The following KCNH6 variants were observed in gnomAD, a reference collection of about 807,000 sequenced individuals.
The protein encoded by KCNH6 is potassium voltage-gated channel subfamily H member 6, also known as voltage-gated inwardly rectifying potassium channel KCNH6.
KCNH6 carries 81 observed loss-of-function variants against 83.4 expected under a neutral mutation model. The ratio of observed to expected loss-of-function variants is 0.97; its 90% CI spans 0.81 to 1.17. The LOEUF (loss-of-function observed/expected upper bound fraction) is 1.17, where lower values mean the gene tolerates loss of function less well. KCNH6 is among the 50% of genes most tolerant of loss of function. The pLI, the probability that KCNH6 is intolerant of heterozygous loss-of-function variation, is 0.00. For missense variants in KCNH6, 1,203 were observed against 1,290.5 expected, an observed-to-expected ratio of 0.93 and a Z score of 1.04; for synonymous variants, 503 against 545.6, an observed-to-expected ratio of 0.92 and a Z score of 1.09.
intron 12 of KCNH6, 38 bp from the exon 13 acceptor site, chr17:63,545,571 C>T (rs1293371332): frequency 6.3e-7 from 1 of 1,586,022 alleles, no homozygotes; most frequent in South Asian, 1.1e-5. Flanking sequence ...AACCCGCAGC[C>T]TGGCCTGGGG....
At chr17:63,528,590 C>T (rs1220217148) in intron 2 of KCNH6, among the ~76,000 whole-genome samples, 2 of 152,200 alleles carry the variant, frequency 1.3e-5, no homozygotes, top group Admixed American at 6.5e-5. Flanking sequence ...GTCCCCCACA[C>T]GTGGGCTTCC....
intron 4 of KCNH6, among the ~76,000 whole-genome samples, chr17:63,530,941 G>A (rs766220521): frequency 1.3e-5 from 2 of 149,172 alleles, no homozygotes; most frequent in Non-Finnish European, 3.0e-5. Flanking sequence ...GAGCTGGTGT[G>A]GGGGGGGGTC....
chr17:63,538,711 A>T lies in KCNH6; in HGVS notation c.1954+49A>T, dbSNP rs1261668911. The T allele has an allele frequency of 6.6e-7, 1 of 1,514,356 alleles. No individual in the cohort carries two copies. Among genetic ancestry groups the T allele is most frequent in the Non-Finnish European group, 8.9e-7 (1 of 1,128,614 alleles). The allele number at this position is 1,514,356 out of a possible 1,614,324, so 93.8% of individuals were successfully genotyped here. Reference sequence around the variant, plus strand: ...GCCTGTGTTGGGGATTGGATGGAAGAGGGCGGGATTGGAGATGCCCTGCCC... The same window carrying T: ...GCCTGTGTTGGGGATTGGATGGAAGTGGGCGGGATTGGAGATGCCCTGCCC... On this transcript the variant is annotated intron_variant, in intron 8 of 12. Coordinates refer to ENST00000314672, the MANE Select transcript of KCNH6 (RefSeq NM_001278919.2). The surrounding 1 kb of genome is among the most constrained non-coding windows in gnomAD (Gnocchi z 4.0).
Position 63,538,635 on chromosome 17 carries a change from C to T in KCNH6, c.1927C>T (p.Arg643Cys), listed in dbSNP as rs775172398. The change falls in exon 8 of 13, where the codon CGC (arginine) becomes TGC (cysteine). Residue 643 changes from arginine to cysteine, a missense_variant. Transcript: ENST00000314672. The surrounding 1 kb of genome is among the most constrained non-coding windows in gnomAD (Gnocchi z 4.0). ...CTCCCGAGGCTCCATCGAGATCCTGCGCGACGACGTGGTCGTGGCCATCCT... is the reference window on the plus strand; with the variant it reads ...CTCCCGAGGCTCCATCGAGATCCTGTGCGACGACGTGGTCGTGGCCATCCT... ...FISRGSIEIL[R>C]DDVVVAILGK... is the part of the protein sequence containing the mutation. The T allele has an allele frequency of 1.4e-5, 22 of 1,599,778 alleles. No homozygotes were observed. Among genetic ancestry groups the T allele is most frequent in the East Asian group, 4.5e-5 (2 of 44,654 alleles).
In KCNH6 at chr17:63,534,165, T is replaced by A; in HGVS notation, c.955T>A (p.Phe319Ile). 6.9e-7 allele frequency: 1 copy of A among 1,457,318 alleles called. No individual in the cohort carries two copies. 90.3% of individuals were successfully genotyped at this position (1,457,318 alleles called of 1,614,324 possible). A position where few individuals can be genotyped will look rare whatever the true frequency, so the allele number is the denominator to read the frequency against. ...IMFVVDIVIN[F>I]RTTYVNTNDE... is the part of the protein sequence containing the mutation. Reference sequence around the variant, plus strand: ...GTTCGTCGTGGACATCGTCATCAACTTCCGCACCACCTATGTCAACACCAA... The same window carrying A: ...GTTCGTCGTGGACATCGTCATCAACATCCGCACCACCTATGTCAACACCAA... The change falls in exon 5 of 13, where the codon TTC (phenylalanine) becomes ATC (isoleucine). Residue 319 changes from phenylalanine to isoleucine, a missense_variant. Phe to Ile is a conservative substitution (Grantham distance 21). Coordinates refer to ENST00000314672, the MANE Select transcript of KCNH6 (RefSeq NM_001278919.2). The surrounding 1 kb of genome is among the most constrained non-coding windows in gnomAD (Gnocchi z 5.0).
In KCNH6 at chr17:63,544,344, G is replaced by A. The variant is rs201219951; in HGVS notation, c.2329G>A (p.Glu777Lys). Residue 777 changes from glutamate (E) to lysine (K), a missense_variant, in exon 11 of 13, where the codon GAA becomes AAA. Coordinates refer to ENST00000314672, the MANE Select transcript of KCNH6 (RefSeq NM_001278919.2). ...PPRHSPQSPQ[E>K]DPDCWPLKLG... ...AAGGCACAGCCCCCAAAGCCCTCAG[G>A]AAGACCCAGATTGCTGGCCTCTGAA... 1.9e-6 allele frequency: 3 copies of A among 1,612,118 alleles called. No homozygotes were observed. The highest frequency in any genetic ancestry group is 1.7e-5 in the Admixed American group (1 of 59,748).
chr17:63,543,043 C>T (rs986544437), intron 9 of KCNH6, among the ~76,000 whole-genome samples: 130 of 152,340 alleles, frequency 8.5e-4, no homozygotes, highest in African/African-American at 3.0e-3. Flanking sequence ...CAGCCAGGAC[C>T]GACCTGGGAA....
chr17:63,541,286 CT>C (rs58311051), intron 8 of KCNH6, among the ~76,000 whole-genome samples: 20,939 of 108,360 alleles, frequency 0.19, 1,023 homozygotes, highest in Middle Eastern at 0.3. Context: ...GTGCCTCTTG[CT>C]TTTTTTTTTT....
At position 63,544,328 on chromosome 17, in the gene KCNH6, C is replaced by A. The variant is rs1220645885; in HGVS notation, c.2313C>A (p.Ser771Arg). The change falls in exon 11 of 13, where the codon AGC (serine) becomes AGA (arginine). Residue 771 changes from serine to arginine, a missense_variant. Physicochemically the swap from Ser to Arg is moderately radical, Grantham distance 110 (BLOSUM62 -1). Transcript: ENST00000314672. Reference protein sequence around the residue: ...ELLQEMPPRHSPQSPQEDPDC... With the variant: ...ELLQEMPPRHRPQSPQEDPDC... Reference sequence around the variant, plus strand: ...TGCAGGAAATGCCCCCAAGGCACAGCCCCCAAAGCCCTCAGGAAGACCCAG... The same window carrying A: ...TGCAGGAAATGCCCCCAAGGCACAGACCCCAAAGCCCTCAGGAAGACCCAG... The A allele has an allele frequency of 1.9e-6, 3 of 1,612,212 alleles. No homozygotes were observed. The highest frequency in any genetic ancestry group is 2.5e-6 in the Non-Finnish European group (3 of 1,179,168).
chr17:63,543,450 C>T (rs1412994949), intron 9 of KCNH6, 126 bp from the exon 10 acceptor site: 19 of 679,646 alleles, frequency 2.8e-5, no homozygotes, highest in Middle Eastern at 2.5e-4. Context: ...GGCATCGCTG[C>T]TGTGCCCAGC....
rs1555678028 is a variant in KCNH6, at chr17:63,538,299, T to TC, written c.1701+35_1701+36insC. ...GCCGCTCCGGCTAATGCCCCGGGCG[T>TC]GGGGGGGAGCCAAGATCCTGCGGGG... On this transcript the variant is annotated intron_variant, in intron 7 of 12. Coordinates refer to ENST00000314672, the MANE Select transcript of KCNH6 (RefSeq NM_001278919.2). The surrounding 1 kb of genome is among the most constrained non-coding windows in gnomAD (Gnocchi z 4.0). The TC allele has an allele frequency of 2.0e-4, 316 of 1,608,908 alleles. No individual in the cohort carries two copies. Among genetic ancestry groups the TC allele is most frequent in the African/African-American group, 4.4e-4 (33 of 74,850 alleles).
rs554104399 is a variant in KCNH6 at position 63,527,062 on chromosome 17, C to T, written c.307+2693C>T. Among the ~76,000 whole-genome samples, 8 of 152,310 alleles carry T rather than the reference C, an allele frequency of 5.3e-5. No homozygotes were observed. In the South Asian group the frequency reaches 1.7e-3, roughly 32 times the overall value. ...GTCACCCACGCCTGCCCCGCACTGG[C>T]ACCTGCCCGGGAGCCCACCCCAGCC... On this transcript the variant is annotated intron_variant, in intron 2 of 12. Coordinates refer to ENST00000314672, the MANE Select transcript of KCNH6 (RefSeq NM_001278919.2).
rs1568075406 is a variant in KCNH6 at position 63,534,342 on chromosome 17, T to C, written c.1101+31T>C. On this transcript the variant is annotated intron_variant, in intron 5 of 12. Transcript: ENST00000314672. This position sits in a 1 kb window ranked among gnomAD's most constrained non-coding sequence, Gnocchi z 5.0. Reference sequence around the variant, plus strand: ...CAGACCCCCTCCAGGCCAGCAGCCATGGCTGTCCTCTGCACGCTGGCCTCA... The same window carrying C: ...CAGACCCCCTCCAGGCCAGCAGCCACGGCTGTCCTCTGCACGCTGGCCTCA... 1.3e-6 allele frequency: 2 copies of C among 1,583,352 alleles called. No homozygotes were observed. Among genetic ancestry groups the C allele is most frequent in the Admixed American group, 1.7e-5 (1 of 58,846 alleles).
intron 2 of KCNH6, among the ~76,000 whole-genome samples, chr17:63,527,899 G>C (rs952654686): frequency 3.3e-5 from 5 of 152,130 alleles, no homozygotes; most frequent in Admixed American, 3.3e-4. Context: ...GGGGTACCAC[G>C]CACTGGCACC....
intron 8 of KCNH6, 56 bp from the exon 9 acceptor site, chr17:63,542,185 T>C (rs1300763414): frequency 1.9e-6 from 3 of 1,584,450 alleles, no homozygotes; most frequent in Non-Finnish European, 1.7e-6. Flanking sequence ...CAAAGGACCC[T>C]CATAAGGGAG....
intron 8 of KCNH6, among the ~76,000 whole-genome samples, chr17:63,540,291 G>A (rs773611861): frequency 7.2e-5 from 11 of 152,186 alleles, no homozygotes; most frequent in Admixed American, 1.3e-4. Context: ...AAATTAGCCC[G>A]GCATGGTGGC....
chr17:63,545,349 G>A lies in KCNH6; in HGVS notation c.2583+85G>A, dbSNP rs901296338. On this transcript the variant is annotated intron_variant, in intron 12 of 12. Transcript: ENST00000314672. ...CTGACTTGTTCACAGTGCAGCATCA[G>A]GCCCAGAGCCTCTGTGGCCCCAGAG... 55 of 1,394,764 alleles carry A rather than the reference G, an allele frequency of 3.9e-5. No individual in the cohort carries two copies. In the African/African-American group the frequency reaches 5.8e-4, roughly 15 times the overall value. The allele number at this position is 1,394,764 out of a possible 1,614,324, so 86.4% of individuals were successfully genotyped here.
At chr17:63,528,845 G>T (rs1264018961) in intron 2 of KCNH6, among the ~76,000 whole-genome samples, 1 of 152,030 alleles carries the variant, frequency 6.6e-6, no homozygotes, top group East Asian at 1.9e-4. Context: ...TTGTTTGTTT[G>T]TTTGTTTGAG....
At position 63,546,101 on chromosome 17, in the gene KCNH6, G is replaced by A. The variant is rs988770984; in HGVS notation, c.*199G>A. ...TAAAAAAGAAAAAAAATAGCCGGGCGTGGTGGCAGGCGCCTGTAATCCCAG... is the reference window on the plus strand; with the variant it reads ...TAAAAAAGAAAAAAAATAGCCGGGCATGGTGGCAGGCGCCTGTAATCCCAG... On this transcript the variant is annotated 3_prime_UTR_variant, in exon 13 of 13. Transcript: ENST00000314672. The A allele has an allele frequency of 2.1e-5, 11 of 532,156 alleles. No individual in the cohort carries two copies. The highest frequency in any genetic ancestry group is 9.6e-5 in the East Asian group (3 of 31,406). 33.0% of individuals were successfully genotyped at this position (532,156 alleles called of 1,614,324 possible). A position where few individuals can be genotyped will look rare whatever the true frequency, so the allele number is the denominator to read the frequency against.
Sources: allele counts gnomAD v4.1 joint callset (sites outside exome capture counted in the v4.1 genomes callset), GRCh38; gene constraint gnomAD v4.1.1; non-coding constraint Gnocchi (gnomAD v3.1); transcripts MANE v1.5; gene names NCBI Gene and HGNC (gene_info 2026-07-23, HGNC 2026-07-21).